The following PI4K2B variants were observed in gnomAD, a reference collection of about 807,000 sequenced individuals.
The protein encoded by PI4K2B is phosphatidylinositol 4-kinase type 2-beta.
Under a neutral mutation model 56.6 loss-of-function variants are expected in PI4K2B, and 46 were observed. That is an observed-to-expected ratio of 0.81 (90% confidence interval 0.64 to 1.04). The LOEUF (loss-of-function observed/expected upper bound fraction) is 1.04, where lower values mean the gene tolerates loss of function less well. Ranked by LOEUF, PI4K2B falls within the 50% of genes least tolerant of loss-of-function variation. PI4K2B has a pLI of 0.00. For synonymous variants in PI4K2B, 211 were observed against 223.8 expected (o/e 0.94, Z 0.51); for missense variants, 556 against 607.7 (o/e 0.91, Z 0.89).
Position 25,241,995 on chromosome 4 carries a change from G to A in PI4K2B, c.268+7564G>A, listed in dbSNP as rs544687717. On this transcript the variant is annotated intron_variant, in intron 1 of 9. Transcript: ENST00000264864. ...TATAGAGGGGCCTGGCTATCTCGCT[G>A]TATCCAGGGATGCATAGTCAGCAAA... Among the ~76,000 whole-genome samples the A allele has an allele frequency of 6.2e-3, 944 of 152,278 alleles. 12 individuals carry two copies. Among genetic ancestry groups the A allele is most frequent in the African/African-American group, 0.022 (901 of 41,550 alleles).
intron 9 of PI4K2B, among the ~76,000 whole-genome samples, chr4:25,274,472 G>T (rs1389109725): frequency 6.6e-6 from 1 of 152,104 alleles, no homozygotes; most frequent in Non-Finnish European, 1.5e-5. Context: ...AAACTAGGTG[G>T]TATGTTGGGG....
chr4:25,239,529 C>T lies in PI4K2B; in HGVS notation c.268+5098C>T, dbSNP rs149981543. Among the ~76,000 whole-genome samples the T allele has an allele frequency of 9.5e-3, 878 of 92,236 alleles. 8 individuals carry two copies. Among genetic ancestry groups the T allele is most frequent in the African/African-American group, 0.023 (839 of 36,152 alleles). The allele number at this position is 92,236 out of a possible 152,430, so 60.5% of individuals were successfully genotyped here. Reference sequence around the variant, plus strand: ...TGGGGCCGGCCAGCCGCTCCGACTGCGGAACCTGCCAAGCCCATGCCCACC... The same window carrying T: ...TGGGGCCGGCCAGCCGCTCCGACTGTGGAACCTGCCAAGCCCATGCCCACC... On this transcript the variant is annotated intron_variant, in intron 1 of 9. Transcript: ENST00000264864.
Position 25,252,342 on chromosome 4 carries a change from T to A in PI4K2B, c.290T>A (p.Met97Lys), listed in dbSNP as rs755001507. 6.2e-7 allele frequency: 1 copy of A among 1,610,620 alleles called. No homozygotes were observed. The highest frequency in any genetic ancestry group is 1.3e-5 in the African/African-American group (1 of 74,884). The change falls in exon 2 of 10, where the codon ATG becomes AAG. Residue 97 changes from methionine to lysine, a missense_variant. Physicochemically the swap from Met to Lys is moderately conservative, Grantham distance 95. Transcript: ENST00000264864. ...GCAGTAACTATTGGTACTTCAGAGA[T>A]GAATGCATTCTTGGATGACCCAGAA... is the stretch of plus-strand genomic sequence containing the variant. The part of the protein sequence containing the change: ...AVSVTIGTSE[M>K]NAFLDDPEFA...
chr4:25,253,763 C>A (rs951807004), intron 2 of PI4K2B, among the ~76,000 whole-genome samples: 1 of 152,054 alleles, frequency 6.6e-6, no homozygotes, highest in Non-Finnish European at 1.5e-5. Flanking sequence ...TTTTTTAATA[C>A]GAGAGAATTT....
In PI4K2B at chr4:25,273,364, C is replaced by A. The variant is rs201316411; in HGVS notation, c.1273-3650C>A. Reference sequence around the variant, plus strand: ...TAATAACTAAAACTTTTTCTGAAAACATAATGAACTTACCTTCAGAGATTT... The same window carrying A: ...TAATAACTAAAACTTTTTCTGAAAAAATAATGAACTTACCTTCAGAGATTT... On this transcript the variant is annotated intron_variant, in intron 9 of 9. Coordinates refer to ENST00000264864, the MANE Select transcript of PI4K2B (RefSeq NM_018323.4). 2.2e-4 allele frequency among the ~76,000 whole-genome samples: 33 copies of A among 152,192 alleles called. 1 individual carries two copies. In the East Asian group the frequency reaches 6.2e-3, roughly 29 times the overall value.
chr4:25,241,067 C>T (rs907934564), intron 1 of PI4K2B, among the ~76,000 whole-genome samples: 1 of 152,228 alleles, frequency 6.6e-6, no homozygotes, highest in Non-Finnish European at 1.5e-5. Context: ...TTTTGCACTG[C>T]ATGCAATAAC....
At chr4:25,275,997 G>A (rs566760505) in intron 9 of PI4K2B, among the ~76,000 whole-genome samples, 11 of 152,184 alleles carry the variant, frequency 7.2e-5, no homozygotes, top group African/African-American at 2.2e-4. Context: ...ACTATTTAAA[G>A]TATTATGAAG....
chr4:25,276,567 G>A (rs1717102542), intron 9 of PI4K2B: 2 of 769,646 alleles, frequency 2.6e-6, no homozygotes, highest in Non-Finnish European at 3.2e-6. Flanking sequence ...AGCACTTACA[G>A]CAGAACCTCG....
intron 1 of PI4K2B, among the ~76,000 whole-genome samples, chr4:25,247,731 G>T (rs186316142): frequency 1.4e-3 from 209 of 152,198 alleles, no homozygotes; most frequent in African/African-American, 4.8e-3. Flanking sequence ...TTGAGACAGG[G>T]TCTTATTCTG....
intron 4 of PI4K2B, among the ~76,000 whole-genome samples, chr4:25,257,119 G>A (rs1211732354): frequency 1.3e-5 from 2 of 151,298 alleles, no homozygotes; most frequent in Non-Finnish European, 2.9e-5. Context: ...GTACAGTGTT[G>A]TGAACAGGGC....
At position 25,277,213 on chromosome 4, in the gene PI4K2B, C is replaced by A; in HGVS notation, c.*26C>A. 6.3e-7 allele frequency: 1 copy of A among 1,589,266 alleles called. No individual in the cohort carries two copies. The highest frequency in any genetic ancestry group is 8.6e-7 in the Non-Finnish European group (1 of 1,162,688). On this transcript the variant is annotated 3_prime_UTR_variant, in exon 10 of 10. Coordinates refer to ENST00000264864, the MANE Select transcript of PI4K2B (RefSeq NM_018323.4). ...TAAATGTCAGAGTAAGAGAAACAAA[C>A]TGTTTAGAATTATCATGTTTTTAAA...
rs76249149 is a variant in PI4K2B at position 25,237,922 on chromosome 4, G to C, written c.268+3491G>C. Among the ~76,000 whole-genome samples the C allele has an allele frequency of 0.014, 2,178 of 152,262 alleles. 127 individuals are homozygous for C. In the East Asian group the frequency reaches 0.18, roughly 13 times the overall value. On this transcript the variant is annotated intron_variant, in intron 1 of 9. Transcript: ENST00000264864. ...AAGAAAAAGCACAAAGAAGTGAAGT[G>C]ACTTCTCCAAGGTCCCAGTTAATAC...
chr4:25,274,005 C>CA (rs1190036841), intron 9 of PI4K2B, among the ~76,000 whole-genome samples: 2 of 152,214 alleles, frequency 1.3e-5, no homozygotes, highest in African/African-American at 4.8e-5. Flanking sequence ...ATCTAGGAAA[C>CA]AGTTTTTCTT....
intron 1 of PI4K2B, among the ~76,000 whole-genome samples, chr4:25,237,393 G>A (rs1252598338): frequency 6.6e-6 from 1 of 151,678 alleles, no homozygotes; most frequent in Non-Finnish European, 1.5e-5. Flanking sequence ...GGCAGTGGGG[G>A]AACAGAGTTT....
chr4:25,274,608 A>G (rs2109027137), intron 9 of PI4K2B, among the ~76,000 whole-genome samples: 1 of 152,060 alleles, frequency 6.6e-6, no homozygotes, highest in South Asian at 2.1e-4. Context: ...CTTTTCCCTC[A>G]TTTGGTCCCC....
At chr4:25,276,743 C>A in intron 9 of PI4K2B, 2 of 985,250 alleles carry the variant, frequency 2.0e-6, no homozygotes, top group Non-Finnish European at 2.4e-6. Context: ...TGGACATAGG[C>A]AGGATATTCT....
intron 1 of PI4K2B, among the ~76,000 whole-genome samples, chr4:25,239,758 C>T (rs574163383): frequency 6.6e-5 from 10 of 152,202 alleles, no homozygotes; most frequent in Admixed American, 5.2e-4. Flanking sequence ...CGAGAGTGAG[C>T]GAGGGCTGCA....
intron 7 of PI4K2B, among the ~76,000 whole-genome samples, chr4:25,265,676 C>G (rs1377097837): frequency 1.3e-5 from 2 of 152,098 alleles, no homozygotes; most frequent in East Asian, 3.9e-4. Context: ...ATTACTATTT[C>G]TAAGAAACTG....
At chr4:25,245,235 C>T (rs1174906953) in intron 1 of PI4K2B, among the ~76,000 whole-genome samples, 5 of 152,104 alleles carry the variant, frequency 3.3e-5, no homozygotes, top group African/African-American at 1.2e-4. Context: ...ACAGTTTATA[C>T]TAGAAGTCAT....
Sources: allele counts gnomAD v4.1 joint callset (sites outside exome capture counted in the v4.1 genomes callset), GRCh38; gene constraint gnomAD v4.1.1; transcripts MANE v1.5; gene names NCBI Gene and HGNC (gene_info 2026-07-23, HGNC 2026-07-21).